HOXA2: variants seen among roughly 807,000 people sequenced by gnomAD.
HOXA2 encodes homeobox A2, also known as homeobox protein Hox-A2.
Under a neutral mutation model 27.2 loss-of-function variants are expected in HOXA2, and 4 were observed. That is an observed-to-expected ratio of 0.15 (90% CI 0.07 to 0.34). HOXA2 has a LOEUF of 0.34. Among genes scored for constraint, HOXA2 ranks in the 10% least tolerant of loss-of-function variants. The probability of loss-of-function intolerance (pLI) is 1.00; values close to 1 mark genes in which losing one functional copy is unlikely to be tolerated. For missense variants in HOXA2, 430 were observed against 473.2 expected (o/e 0.91, Z 0.85); for synonymous variants, 200 against 202.8 (o/e 0.99, Z 0.12).
Position 27,100,774 on chromosome 7 carries a change from A to G in HOXA2, c.1083T>C (p.Phe361=), listed in dbSNP as rs1783911622. 1 of 1,614,128 alleles carries G rather than the reference A, an allele frequency of 6.2e-7. No individual in the cohort carries two copies. Residue 361 remains phenylalanine (F), a synonymous_variant, in exon 2 of 2, where the codon TTT becomes TTC. Transcript: ENST00000222718. ...PVDISADSLD[F]FTDTLTTIDL... ...CGATTGTGGTGAGTGTGTCTGTAAA[A>G]AAGTCTAAGCTGTCAGCTGAAATAT...
rs754731827 is a variant in HOXA2 at position 27,101,142 on chromosome 7, C to T, written c.715G>A (p.Val239Ile). 1.9e-6 allele frequency: 3 copies of T among 1,614,180 alleles called. No individual in the cohort carries two copies. The highest frequency in any genetic ancestry group is 2.5e-6 in the Non-Finnish European group (3 of 1,180,028). ...TCCCTCTCCAGAAGGGCCCCAGAGACGCTAAGGGCTTGCTCAAAGAGCGTC... is the reference window on the plus strand; with the variant it reads ...TCCCTCTCCAGAAGGGCCCCAGAGATGCTAAGGGCTTGCTCAAAGAGCGTC... ...EKTLFEQALS[V>I]SGALLEREGY... Residue 239 changes from valine (V) to isoleucine (I), a missense_variant, in exon 2 of 2, where the codon GTC (valine) becomes ATC (isoleucine). Physicochemically the swap from Val to Ile is conservative, Grantham distance 29 (BLOSUM62 3). Around this residue, in one of 4 missense-constraint regions of HOXA2, gnomAD observed 236 missense variants for 208.5 expected, o/e 1.13. Transcript: ENST00000222718.
Position 27,101,445 on chromosome 7 carries a change from C to T in HOXA2, c.412G>A (p.Gly138Ser), listed in dbSNP as rs771410610. 1.9e-6 allele frequency: 3 copies of T among 1,600,526 alleles called. No individual in the cohort carries two copies. Among genetic ancestry groups the T allele is most frequent in the Non-Finnish European group, 1.7e-6 (2 of 1,179,968 alleles). Reference protein sequence around the residue: ...SHKESLEIADGSGGGSRRLRT... With the variant: ...SHKESLEIADSSGGGSRRLRT... ...AGGCGCCGCGATCCCCCGCCGCTGCCATCGGCGATTTCCAGGGATTCTGCG... is the reference window on the plus strand; with the variant it reads ...AGGCGCCGCGATCCCCCGCCGCTGCTATCGGCGATTTCCAGGGATTCTGCG... Residue 138 changes from glycine (G) to serine (S), a missense_variant, in exon 2 of 2, where the codon GGC becomes AGC. Physicochemically the swap from Gly to Ser is moderately conservative, Grantham distance 56 (BLOSUM62 0). This residue lies in a region of HOXA2 where 166 missense variants were observed against 207.6 expected (regional missense o/e 0.80). Transcript: ENST00000222718.
Position 27,102,423 on chromosome 7 carries a change from G to C in HOXA2, c.78C>G (p.Pro26=), listed in dbSNP as rs1302033950. ...AACTTTGAAATGTATCAGCGACAGGGGGAAAAGATGTCAGGCACTCAGCGA... is the reference window on the plus strand; with the variant it reads ...AACTTTGAAATGTATCAGCGACAGGCGGAAAAGATGTCAGGCACTCAGCGA... ...PSLAECLTSF[P]PVADTFQSSS... Residue 26 remains proline (P), a synonymous_variant, in exon 1 of 2, where the codon CCC becomes CCG. Transcript: ENST00000222718. This position sits in a 1 kb window ranked among gnomAD's most constrained non-coding sequence, Gnocchi z 4.6. The C allele has an allele frequency of 6.2e-7, 1 of 1,614,004 alleles. No homozygotes were observed. The highest frequency in any genetic ancestry group is 8.5e-7 in the Non-Finnish European group (1 of 1,179,994).
intron 1 of HOXA2, chr7:27,101,894 C>T (rs1583408258): frequency 2.6e-6 from 2 of 758,422 alleles, no homozygotes; most frequent in South Asian, 1.5e-5. Context: ...CCCCCACTTC[C>T]TAAAAATATA....
In HOXA2 at chr7:27,100,629, A is replaced by C; in HGVS notation, c.*97T>G. 1 of 1,363,564 alleles carries C rather than the reference A, an allele frequency of 7.3e-7. No homozygotes were observed. The highest frequency in any genetic ancestry group is 1.0e-6 in the Non-Finnish European group (1 of 959,854). 84.5% of individuals were successfully genotyped at this position (1,363,564 alleles called of 1,614,324 possible). On this transcript the variant is annotated 3_prime_UTR_variant, in exon 2 of 2. Coordinates refer to ENST00000222718, the MANE Select transcript of HOXA2 (RefSeq NM_006735.4). ...CTTAAAGGAGGGAAGGGGTAGGTCA[A>C]GAAGAAAATAAAAAATAAACTCCCA...
At position 27,100,603 on chromosome 7, in the gene HOXA2, A is replaced by G. The variant is rs1030596494; in HGVS notation, c.*123T>C. 2.9e-6 allele frequency: 3 copies of G among 1,020,636 alleles called. No individual in the cohort carries two copies. Among genetic ancestry groups the G allele is most frequent in the African/African-American group, 3.2e-5 (2 of 61,832 alleles). The allele number at this position is 1,020,636 out of a possible 1,614,324, so 63.2% of individuals were successfully genotyped here. On this transcript the variant is annotated 3_prime_UTR_variant, in exon 2 of 2. Coordinates refer to ENST00000222718, the MANE Select transcript of HOXA2 (RefSeq NM_006735.4). ...AATCACTAAACAGAAAATCCTCAAC[A>G]CTTAAAGGAGGGAAGGGGTAGGTCA...
rs1783920582 is a variant in HOXA2, at chr7:27,101,203, C to T, written c.654G>A (p.Glu218=). 1.9e-6 allele frequency: 3 copies of T among 1,614,092 alleles called. No homozygotes were observed. The highest frequency in any genetic ancestry group is 1.7e-5 in the Admixed American group (1 of 60,008). Residue 218 remains glutamate, a synonymous_variant, in exon 2 of 2, where the codon GAG becomes GAA. Coordinates refer to ENST00000222718, the MANE Select transcript of HOXA2 (RefSeq NM_006735.4). ...QNSEGKCKSL[E]DSEKVEEDEE... is the part of the protein sequence containing the mutation. ...CGTCCTCCTCTACTTTCTCGGAGTC[C>T]TCAAGGCTTTTACATTTCCCTTCGC... is the stretch of plus-strand genomic sequence containing the variant.
Position 27,100,903 on chromosome 7 carries a change from C to A in HOXA2, c.954G>T (p.Glu318Asp). 1 of 1,614,212 alleles carries A rather than the reference C, an allele frequency of 6.2e-7. No individual in the cohort carries two copies. The highest frequency in any genetic ancestry group is 1.3e-5 in the African/African-American group (1 of 75,050). ...GLNNDSPEALEVPSLQDFSVF... is the reference protein window; with the variant it reads ...GLNNDSPEALDVPSLQDFSVF... ...CGCTAAAGTCCTGCAAAGAGGGGACCTCAAGGGCCTCAGGACTGTCATTGT... is the reference window on the plus strand; with the variant it reads ...CGCTAAAGTCCTGCAAAGAGGGGACATCAAGGGCCTCAGGACTGTCATTGT... The change falls in exon 2 of 2, where the codon GAG (glutamate) becomes GAT (aspartate). Residue 318 changes from glutamate (E) to aspartate (D), a missense_variant. Physicochemically the swap from Glu to Asp is conservative, Grantham distance 45. Coordinates refer to ENST00000222718, the MANE Select transcript of HOXA2 (RefSeq NM_006735.4).
At chr7:27,101,967 A>T in intron 1 of HOXA2, 143 bp downstream of exon 1, 1 of 1,186,898 alleles carries the variant, frequency 8.4e-7, no homozygotes, top group Non-Finnish European at 1.2e-6. Context: ...CTGAACCCAC[A>T]GGGGCAGGGA....
rs1305186739 is a variant in HOXA2 at position 27,102,195 on chromosome 7, C to T, written c.306G>A (p.Lys102=). ...GCAGAAGTGCGGTTTTCTTGGCCGC[C>T]TTCTTCTCCTTCATCCAGGGGTACT... The part of the protein sequence containing the change: ...PPEYPWMKEK[K]AAKKTALLPA... Residue 102 remains lysine (K), a synonymous_variant, in exon 1 of 2, where the codon AAG becomes AAA. Transcript: ENST00000222718. This position sits in a 1 kb window ranked among gnomAD's most constrained non-coding sequence, Gnocchi z 4.6. The T allele has an allele frequency of 1.9e-6, 3 of 1,550,446 alleles. No individual in the cohort carries two copies. The highest frequency in any genetic ancestry group is 2.6e-6 in the Non-Finnish European group (3 of 1,147,494).
rs1361427491 is a variant in HOXA2, at chr7:27,100,481, C to G, written c.*245G>C. The G allele has an allele frequency of 1.1e-5, 6 of 534,890 alleles. 1 individual carries two copies. In the East Asian group the frequency reaches 1.3e-4, roughly 12 times the overall value. 33.1% of individuals were successfully genotyped at this position (534,890 alleles called of 1,614,324 possible). On this transcript the variant is annotated 3_prime_UTR_variant, in exon 2 of 2. Transcript: ENST00000222718. ...ACTTTCTTGCAGGCCTCATACTGCT[C>G]TCAGGAATCACATAAAGGGTTGTTG...
At position 27,100,893 on chromosome 7, in the gene HOXA2, A is replaced by G; in HGVS notation, c.964T>C (p.Leu322=). 1 of 1,614,266 alleles carries G rather than the reference A, an allele frequency of 6.2e-7. No homozygotes were observed. Among genetic ancestry groups the G allele is most frequent in the Non-Finnish European group, 8.5e-7 (1 of 1,180,052 alleles). The change falls in exon 2 of 2, where the codon TTG becomes CTG. Residue 322 remains leucine, a synonymous_variant. Coordinates refer to ENST00000222718, the MANE Select transcript of HOXA2 (RefSeq NM_006735.4). Reference sequence around the variant, plus strand: ...GTGGAGAAAACGCTAAAGTCCTGCAAAGAGGGGACCTCAAGGGCCTCAGGA... The same window carrying G: ...GTGGAGAAAACGCTAAAGTCCTGCAGAGAGGGGACCTCAAGGGCCTCAGGA... ...DSPEALEVPS[L]QDFSVFSTDS...
chr7:27,101,513 AG>A, intron 1 of HOXA2, 48 bp from the exon 2 acceptor site: 1 of 1,594,208 alleles, frequency 6.3e-7, no homozygotes, highest in East Asian at 2.2e-5. Context: ...TTGGAGGTGG[AG>A]GGGTCCGAGC....
chr7:27,101,043 A>G lies in HOXA2; in HGVS notation c.814T>C (p.Phe272Leu). 1 of 1,614,182 alleles carries G rather than the reference A, an allele frequency of 6.2e-7. No individual in the cohort carries two copies. The highest frequency in any genetic ancestry group is 1.7e-5 in the Admixed American group (1 of 60,022). The change falls in exon 2 of 2, where the codon TTC (phenylalanine) becomes CTC (leucine). Residue 272 changes from phenylalanine to leucine, a missense_variant. By Grantham distance (22) the Phe-to-Leu change is conservative. Around this residue, in one of 4 missense-constraint regions of HOXA2, gnomAD observed 236 missense variants for 208.5 expected, o/e 1.13. Transcript: ENST00000222718. ...TTGCTGGTTAAAGGCGAGACTGGGA[A>G]ACTTTGGGAGTCGCCATTGTGTCCA... is the stretch of plus-strand genomic sequence containing the variant. ...PNGHNGDSQS[F>L]PVSPLTSNEK...
In HOXA2 at chr7:27,102,387, C is replaced by T. The variant is rs934753634; in HGVS notation, c.114G>A (p.Lys38=). ...VADTFQSSSI[K]TSTLSHSTLI... is the part of the protein sequence containing the mutation. ...GTGTCGAGTGTGAAAGCGTCGAGGTCTTGATTGATGAACTTTGAAATGTAT... is the reference window on the plus strand; with the variant it reads ...GTGTCGAGTGTGAAAGCGTCGAGGTTTTGATTGATGAACTTTGAAATGTAT... Residue 38 remains lysine (K), a synonymous_variant, in exon 1 of 2, where the codon AAG becomes AAA. Coordinates refer to ENST00000222718, the MANE Select transcript of HOXA2 (RefSeq NM_006735.4). This position sits in a 1 kb window ranked among gnomAD's most constrained non-coding sequence, Gnocchi z 4.6. 3 of 1,613,958 alleles carry T rather than the reference C, an allele frequency of 1.9e-6. No individual in the cohort carries two copies. Among genetic ancestry groups the T allele is most frequent in the Middle Eastern group, 1.6e-4 (1 of 6,084 alleles).
intron 1 of HOXA2, 165 bp from the exon 2 acceptor site, chr7:27,101,630 G>T (rs1783927220): frequency 1.2e-6 from 1 of 820,670 alleles, no homozygotes. Context: ...TGGGAGCCCA[G>T]CCTGGGCAGA....
In HOXA2 at chr7:27,100,625, G is replaced by A. The variant is rs1583407308; in HGVS notation, c.*101C>T. The A allele has an allele frequency of 7.6e-7, 1 of 1,319,916 alleles. No homozygotes were observed. The highest frequency in any genetic ancestry group is 1.5e-5 in the African/African-American group (1 of 68,492). The allele number at this position is 1,319,916 out of a possible 1,614,324, so 81.8% of individuals were successfully genotyped here. ...AACACTTAAAGGAGGGAAGGGGTAG[G>A]TCAAGAAGAAAATAAAAAATAAACT... On this transcript the variant is annotated 3_prime_UTR_variant, in exon 2 of 2. Coordinates refer to ENST00000222718, the MANE Select transcript of HOXA2 (RefSeq NM_006735.4).
chr7:27,101,930 C>T (rs548483545), intron 1 of HOXA2, 180 bp downstream of exon 1: 1 of 833,244 alleles, frequency 1.2e-6, no homozygotes, highest in East Asian at 2.6e-5. Context: ...AGCGCAGGAT[C>T]CCCTTTCCTC....
At position 27,100,918 on chromosome 7, in the gene HOXA2, A is replaced by C; in HGVS notation, c.939T>G (p.Ser313Arg). 6.2e-7 allele frequency: 1 copy of C among 1,614,204 alleles called. No individual in the cohort carries two copies. The highest frequency in any genetic ancestry group is 1.7e-4 in the Middle Eastern group (1 of 6,060). Residue 313 changes from serine (S) to arginine (R), a missense_variant, in exon 2 of 2, where the codon AGT becomes AGG. Around this residue, in one of 4 missense-constraint regions of HOXA2, gnomAD observed 236 missense variants for 208.5 expected, o/e 1.13. Transcript: ENST00000222718. ...AAGAGGGGACCTCAAGGGCCTCAGG[A>C]CTGTCATTGTTTAGGCCAGCTCCAC... is the stretch of plus-strand genomic sequence containing the variant. The part of the protein sequence containing the change: ...QNCGAGLNND[S>R]PEALEVPSLQ...
Sources: allele counts gnomAD v4.1 joint callset, GRCh38; gene constraint gnomAD v4.1.1; regional missense constraint gnomAD v4.1.1; non-coding constraint Gnocchi (gnomAD v3.1); transcripts MANE v1.5; gene names NCBI Gene and HGNC (gene_info 2026-07-23, HGNC 2026-07-21).